The following MYO3B variants were observed in gnomAD, a reference collection of about 807,000 sequenced individuals.
The protein encoded by MYO3B is myosin IIIB.
A neutral mutation model predicts 174.6 loss-of-function variants in MYO3B; 156 were observed. That is an observed-to-expected ratio of 0.89 (90% confidence interval 0.78 to 1.02). MYO3B has a LOEUF of 1.02. Among genes scored for constraint, MYO3B ranks in the 50% least tolerant of loss-of-function variants. The pLI is 0.00. For missense variants in MYO3B, 1,632 were observed against 1,639.4 expected (o/e 1.00, Z 0.08); for synonymous variants, 563 against 569.1 (o/e 0.99, Z 0.15).
intron 8 of MYO3B, chr2:170,343,448 C>G (rs2093992779): frequency 6.6e-6 from 1 of 152,052 alleles, no homozygotes; most frequent in Non-Finnish European, 1.5e-5. Context: ...AAAAAATCGA[C>G]TCAGGCTCAC....
chr2:170,240,717 C>T (rs2093121453), intron 7 of MYO3B, among the ~76,000 whole-genome samples: 1 of 152,208 alleles, frequency 6.6e-6, no homozygotes, highest in Non-Finnish European at 1.5e-5. Flanking sequence ...TTTAAGCTGA[C>T]ATTATCAACC....
intron 32 of MYO3B, among the ~76,000 whole-genome samples, chr2:170,632,134 T>A (rs1020710133): frequency 6.6e-6 from 1 of 152,192 alleles, no homozygotes; most frequent in African/African-American, 2.4e-5. Flanking sequence ...CAAGCAGACC[T>A]AATAGACATC....
intron 17 of MYO3B, among the ~76,000 whole-genome samples, chr2:170,400,516 T>C (rs1401058138): frequency 6.6e-6 from 1 of 151,904 alleles, no homozygotes; most frequent in Non-Finnish European, 1.5e-5. Flanking sequence ...AGCAGTTCTT[T>C]GCCTCAGCCT....
intron 7 of MYO3B, among the ~76,000 whole-genome samples, chr2:170,237,533 C>CGG (rs55901300): frequency 1.1e-3 from 155 of 141,200 alleles, no homozygotes; most frequent in Non-Finnish European, 1.3e-3. Flanking sequence ...GTGTTTTTGG[C>CGG]GGGGGGGAGG....
Position 170,178,419 on chromosome 2 carries a change from C to T in MYO3B, c.2+130C>T, listed in dbSNP as rs188130122. The T allele has an allele frequency of 1.0e-5, 12 of 1,148,122 alleles. No individual in the cohort carries two copies. The Admixed American group carries it at 1.7e-4, about 16-fold the overall frequency. The allele number at this position is 1,148,122 out of a possible 1,614,324, so 71.1% of individuals were successfully genotyped here. On this transcript the variant is annotated intron_variant, in intron 1 of 34. Coordinates refer to ENST00000408978, the MANE Select transcript of MYO3B (RefSeq NM_138995.5). ...GATGACAGCCACTCTGGCTTTGGGC[C>T]TCTGTCTGACATCACCCAGATTCCT... is the stretch of plus-strand genomic sequence containing the variant.
chr2:170,453,800 A>C (rs988465580), intron 23 of MYO3B, among the ~76,000 whole-genome samples: 1 of 152,142 alleles, frequency 6.6e-6, no homozygotes, highest in African/African-American at 2.4e-5. Flanking sequence ...TAGTCACCTC[A>C]TTCCACACCC....
rs1005812892 is a variant in MYO3B at position 170,386,229 on chromosome 2, A to T, written c.1331A>T (p.Glu444Val). Reference protein sequence around the residue: ...ISGESGSGKTESAHLIVQHLT... With the variant: ...ISGESGSGKTVSAHLIVQHLT... ...GGAGAGAGTGGCTCTGGGAAGACAG[A>T]AAGCGCCCACCTGATTGTTCAGCAT... The change falls in exon 13 of 35, where the codon GAA becomes GTA. Residue 444 changes from glutamate to valine, a missense_variant. Physicochemically the swap from Glu to Val is moderately radical, Grantham distance 121 (BLOSUM62 -2). Coordinates refer to ENST00000408978, the MANE Select transcript of MYO3B (RefSeq NM_138995.5). The T allele has an allele frequency of 6.2e-7, 1 of 1,613,684 alleles. No individual in the cohort carries two copies. The highest frequency in any genetic ancestry group is 8.5e-7 in the Non-Finnish European group (1 of 1,179,686).
chr2:170,387,254 G>A lies in MYO3B; in HGVS notation c.1523G>A (p.Gly508Glu), dbSNP rs1282075181. 2 of 1,613,984 alleles carry A rather than the reference G, an allele frequency of 1.2e-6. No individual in the cohort carries two copies. Among genetic ancestry groups the A allele is most frequent in the African/African-American group, 2.7e-5 (2 of 74,912 alleles). Residue 508 changes from glycine (G) to glutamate (E), a missense_variant, in exon 14 of 35, where the codon GGG (glycine) becomes GAG (glutamate). Gly to Glu is a moderately conservative substitution (Grantham distance 98). Transcript: ENST00000408978. ...TTTACACCAACTGGAGTTGTGATGG[G>A]GGCAAGAATCTCTGAATATCTCCTG... The part of the protein sequence containing the change: ...MMFTPTGVVM[G>E]ARISEYLLEK...
intron 32 of MYO3B, among the ~76,000 whole-genome samples, chr2:170,609,513 G>A (rs552632743): frequency 6.6e-6 from 1 of 152,296 alleles, no homozygotes; most frequent in East Asian, 1.9e-4. Flanking sequence ...TGATTAGCAG[G>A]AAGAGAGACA....
chr2:170,460,155 G>A (rs887290379), intron 23 of MYO3B, among the ~76,000 whole-genome samples: 1 of 152,072 alleles, frequency 6.6e-6, no homozygotes, highest in African/African-American at 2.4e-5. Flanking sequence ...GTAAGCGAGG[G>A]CTGCTAGCAC....
intron 7 of MYO3B, among the ~76,000 whole-genome samples, chr2:170,245,538 A>G (rs1450851269): frequency 6.6e-6 from 1 of 152,176 alleles, no homozygotes; most frequent in Non-Finnish European, 1.5e-5. Flanking sequence ...TGAAGCTGAC[A>G]TTTCAAACCG....
intron 32 of MYO3B, among the ~76,000 whole-genome samples, chr2:170,634,309 C>T (rs1322464715): frequency 6.6e-6 from 1 of 152,026 alleles, no homozygotes; most frequent in African/African-American, 2.4e-5. Flanking sequence ...TCAGAAATAA[C>T]ACCACACATC....
intron 30 of MYO3B, among the ~76,000 whole-genome samples, chr2:170,523,310 A>G (rs773046188): frequency 6.6e-6 from 1 of 152,208 alleles, no homozygotes; most frequent in Non-Finnish European, 1.5e-5. Context: ...AGTGGCAACA[A>G]TAAGAGGATC....
chr2:170,476,486 G>A (rs1685327998), intron 25 of MYO3B, among the ~76,000 whole-genome samples: 2 of 152,154 alleles, frequency 1.3e-5, no homozygotes, highest in Admixed American at 1.3e-4. Flanking sequence ...CAGTGGGATG[G>A]ATGGAGAGCT....
At chr2:170,509,716 C>A (rs1375979317) in intron 28 of MYO3B, among the ~76,000 whole-genome samples, 5 of 152,210 alleles carry the variant, frequency 3.3e-5, no homozygotes, top group Non-Finnish European at 7.3e-5. Context: ...CCTTTTGCAA[C>A]TTGTTCTGAA....
intron 32 of MYO3B, among the ~76,000 whole-genome samples, chr2:170,623,857 C>G (rs769129031): frequency 3.3e-5 from 5 of 152,058 alleles, no homozygotes; most frequent in Non-Finnish European, 7.4e-5. Context: ...TTGTTTTTGT[C>G]AGGTTTGTCA....
chr2:170,358,053 G>C (rs941256425), intron 8 of MYO3B, among the ~76,000 whole-genome samples: 1 of 151,958 alleles, frequency 6.6e-6, no homozygotes, highest in African/African-American at 2.4e-5. Flanking sequence ...TCCGGAGGCT[G>C]AGGCAGGAGA....
In MYO3B at chr2:170,335,367, T is replaced by A. The variant is rs755879213; in HGVS notation, c.750-18T>A. On this transcript the variant is annotated intron_variant, in intron 7 of 34. Coordinates refer to ENST00000408978, the MANE Select transcript of MYO3B (RefSeq NM_138995.5). ...GAAATTCTTCTTTCTTAAGAAAAAATTGCTGTTATTTTTTCAGAAATCCTC... is the reference window on the plus strand; with the variant it reads ...GAAATTCTTCTTTCTTAAGAAAAAAATGCTGTTATTTTTTCAGAAATCCTC... 3.8e-6 allele frequency: 6 copies of A among 1,590,336 alleles called. No individual in the cohort carries two copies. The Admixed American group carries it at 1.0e-4, about 28-fold the overall frequency.
intron 8 of MYO3B, among the ~76,000 whole-genome samples, chr2:170,337,393 C>G (rs977454041): frequency 6.6e-6 from 1 of 152,190 alleles, no homozygotes; most frequent in Non-Finnish European, 1.5e-5. Context: ...AAATCCATTA[C>G]ATATTCACTA....
Sources: allele counts gnomAD v4.1 joint callset (sites outside exome capture counted in the v4.1 genomes callset), GRCh38; gene constraint gnomAD v4.1.1; transcripts MANE v1.5; gene names NCBI Gene and HGNC (gene_info 2026-07-23, HGNC 2026-07-21).